The following WDR41 variants were observed in gnomAD, a reference collection of about 807,000 sequenced individuals.
The protein encoded by WDR41 is WD repeat-containing protein 41.
WDR41 carries 63 observed loss-of-function variants against 69.3 expected under a neutral mutation model. That is an observed-to-expected ratio of 0.91 (90% confidence interval 0.74 to 1.12). The LOEUF (loss-of-function observed/expected upper bound fraction) is 1.12. WDR41 is among the 50% of genes most tolerant of loss of function. WDR41 has a pLI of 0.00. For synonymous variants in WDR41, 185 were observed against 192.1 expected, an observed-to-expected ratio of 0.96 and a Z score of 0.31; for missense variants, 543 against 534.5, an observed-to-expected ratio of 1.02 and a Z score of -0.16.
intron 1 of WDR41, among the ~76,000 whole-genome samples, chr5:77,612,173 C>A (rs902592780): frequency 3.9e-5 from 6 of 152,110 alleles, no homozygotes; most frequent in African/African-American, 1.4e-4. Flanking sequence ...CAAAAAGAGT[C>A]CAGGACCAGA....
intron 1 of WDR41, among the ~76,000 whole-genome samples, chr5:77,607,333 T>A (rs1311693451): frequency 6.6e-6 from 1 of 152,150 alleles, no homozygotes; most frequent in Non-Finnish European, 1.5e-5. Flanking sequence ...TTATTAGATG[T>A]GAGACAGAAG....
chr5:77,601,719 C>T (rs923379661), intron 1 of WDR41, among the ~76,000 whole-genome samples: 3 of 152,194 alleles, frequency 2.0e-5, no homozygotes, highest in African/African-American at 4.8e-5. Context: ...TACCTGGTGC[C>T]TCCCTCAGAG....
intron 8 of WDR41, among the ~76,000 whole-genome samples, chr5:77,446,254 C>T (rs1316288104): frequency 6.6e-6 from 1 of 152,046 alleles, no homozygotes; most frequent in African/African-American, 2.4e-5. Context: ...AACTACAAAC[C>T]ACTGCTCAAG....
intron 1 of WDR41, among the ~76,000 whole-genome samples, chr5:77,614,511 T>C (rs1379704495): frequency 7.3e-5 from 11 of 150,858 alleles, no homozygotes; most frequent in Non-Finnish European, 1.3e-4. Context: ...ATGGATGAAA[T>C]TGGAAATCAT....
chr5:77,582,411 T>A, intron 1 of WDR41: 1 of 1,610,416 alleles, frequency 6.2e-7, no homozygotes, highest in Non-Finnish European at 8.5e-7. Flanking sequence ...AGGAGGTTCC[T>A]GCTGTGCCAG....
intron 2 of WDR41, among the ~76,000 whole-genome samples, chr5:77,483,726 G>A (rs181374170): frequency 3.5e-4 from 53 of 152,156 alleles, no homozygotes; most frequent in Admixed American, 2.0e-3. Context: ...ATTTCTTCTC[G>A]TCAATTATTA....
At position 77,569,809 on chromosome 5, in the gene WDR41, G is replaced by A. The variant is rs569105101; in HGVS notation, c.42+50670C>T. Reference sequence around the variant, plus strand: ...ACCAACTTTCCATTGGAAAACAAAGGGGTTTAATGCATGGCAAAGTTGTAG... The same window carrying A: ...ACCAACTTTCCATTGGAAAACAAAGAGGTTTAATGCATGGCAAAGTTGTAG... On this transcript the variant is annotated intron_variant, in intron 1 of 5. Transcript: ENST00000509971. 6.6e-5 allele frequency among the ~76,000 whole-genome samples: 10 copies of A among 152,230 alleles called. No homozygotes were observed. The East Asian group carries it at 1.7e-3, about 26-fold the overall frequency.
intron 1 of WDR41, among the ~76,000 whole-genome samples, chr5:77,528,745 T>G (rs958923093): frequency 2.0e-5 from 3 of 151,566 alleles, no homozygotes; most frequent in African/African-American, 4.8e-5. Context: ...AACCAATCCA[T>G]AAAATTCAGA....
rs1198200209 is a variant in WDR41, at chr5:77,464,789, T to G, written c.188A>C (p.Asp63Ala). ...GGCATTCCACACAACTACAATTCCA[T>G]CATCACCAGCAGATGCAAATCTGGT... Reference protein sequence around the residue: ...DDYRFASAGDDGIVVVWNAQT... With the variant: ...DDYRFASAGDAGIVVVWNAQT... The change falls in exon 3 of 13, where the codon GAT becomes GCT. Residue 63 changes from aspartate to alanine, a missense_variant. Transcript: ENST00000296679. The G allele has an allele frequency of 6.2e-7, 1 of 1,613,378 alleles. No individual in the cohort carries two copies. Among genetic ancestry groups the G allele is most frequent in the Non-Finnish European group, 8.5e-7 (1 of 1,179,874 alleles).
At chr5:77,541,518 A>T (rs1580000160) in intron 1 of WDR41, among the ~76,000 whole-genome samples, 5 of 109,208 alleles carry the variant, frequency 4.6e-5, no homozygotes, top group Admixed American at 3.7e-4. Context: ...TTTGAGATGG[A>T]GTCTTGCTCT....
intron 1 of WDR41, among the ~76,000 whole-genome samples, chr5:77,569,517 C>T (rs1743693968): frequency 6.6e-6 from 1 of 152,046 alleles, no homozygotes; most frequent in African/African-American, 2.4e-5. Flanking sequence ...CAAACAATGA[C>T]ATGCTTCACT....
At chr5:77,472,122 C>T (rs530765720) in intron 2 of WDR41, among the ~76,000 whole-genome samples, 13 of 152,278 alleles carry the variant, frequency 8.5e-5, no homozygotes, top group African/African-American at 1.2e-4. Flanking sequence ...GTTCAATATA[C>T]GCAAATCAAT....
chr5:77,481,416 T>G (rs1440025579), intron 2 of WDR41, among the ~76,000 whole-genome samples: 1 of 152,152 alleles, frequency 6.6e-6, no homozygotes, highest in Non-Finnish European at 1.5e-5. Flanking sequence ...AACTCTTCAG[T>G]TGCCCCAGGG....
chr5:77,590,642 G>T (rs1342183396), intron 1 of WDR41, among the ~76,000 whole-genome samples: 1 of 152,200 alleles, frequency 6.6e-6, no homozygotes, highest in African/African-American at 2.4e-5. Flanking sequence ...AAGGAGTCTT[G>T]CTCAGGACAG....
intron 1 of WDR41, among the ~76,000 whole-genome samples, chr5:77,543,376 G>A (rs1743128413): frequency 6.6e-6 from 1 of 152,096 alleles, no homozygotes; most frequent in African/African-American, 2.4e-5. Flanking sequence ...CCAGAGAAAG[G>A]CAAAGCCCAA....
chr5:77,452,485 C>T (rs572858127), intron 6 of WDR41: 1 of 152,298 alleles, frequency 6.6e-6, no homozygotes, highest in African/African-American at 2.4e-5. Context: ...TCCATTGTAT[C>T]ACATTGACTA....
At chr5:77,437,295 A>C in intron 11 of WDR41, 41 bp downstream of exon 11, 3 of 1,541,836 alleles carry the variant, frequency 1.9e-6, no homozygotes, top group Non-Finnish European at 1.8e-6. Context: ...CGTGAGAAAA[A>C]AGGAGAGAAA....
At chr5:77,560,614 A>G (rs2112257067) in intron 1 of WDR41, among the ~76,000 whole-genome samples, 1 of 152,258 alleles carries the variant, frequency 6.6e-6, no homozygotes, top group African/African-American at 2.4e-5. Context: ...AACTTTGTAA[A>G]TTGGCAAAAA....
At chr5:77,435,396 C>A (rs1798898944) in intron 12 of WDR41, among the ~76,000 whole-genome samples, 1 of 152,298 alleles carries the variant, frequency 6.6e-6, no homozygotes, top group East Asian at 1.9e-4. Flanking sequence ...TAGGTCTATA[C>A]CCCTTCTCTC....
Sources: allele counts gnomAD v4.1 joint callset (sites outside exome capture counted in the v4.1 genomes callset), GRCh38; gene constraint gnomAD v4.1.1; transcripts MANE v1.5; gene names NCBI Gene and HGNC (gene_info 2026-07-23, HGNC 2026-07-21).